The following EPHA7 variants were observed in gnomAD, a reference collection of about 807,000 sequenced individuals.
EPHA7 encodes the protein EPH receptor A7, also known as ephrin type-A receptor 7.
Under a neutral mutation model 112.6 loss-of-function variants are expected in EPHA7, and 25 were observed. The observed-to-expected ratio is 0.22, with a 90% CI of 0.16 to 0.31. The LOEUF (loss-of-function observed/expected upper bound fraction) is 0.31. Among genes scored for constraint, EPHA7 ranks in the 10% least tolerant of loss-of-function variants. The probability of loss-of-function intolerance (pLI) is 1.00; values close to 1 mark genes in which losing one functional copy is unlikely to be tolerated. For synonymous variants in EPHA7, 437 were observed against 406.5 expected, an observed-to-expected ratio of 1.07 and a Z score of -0.90; for missense variants, 962 against 1,212.6, an observed-to-expected ratio of 0.79 and a Z score of 3.07.
At chr6:93,340,394 T>G (rs946513585) in intron 5 of EPHA7, among the ~76,000 whole-genome samples, 1 of 151,848 alleles carries the variant, frequency 6.6e-6, no homozygotes, top group African/African-American at 2.4e-5. Context: ...TCTAGAAATA[T>G]TATGGATACA....
intron 5 of EPHA7, among the ~76,000 whole-genome samples, chr6:93,299,435 C>T (rs974866555): frequency 2.0e-5 from 3 of 150,976 alleles, no homozygotes; most frequent in Non-Finnish European, 2.9e-5. Context: ...CAATGAGATA[C>T]CATCTCATAC....
Position 93,243,513 on chromosome 6 carries a change from C to T in EPHA7, c.2910G>A (p.Leu970=), listed in dbSNP as rs1345436094. 6.2e-7 allele frequency: 1 copy of T among 1,613,398 alleles called. No homozygotes were observed. Among genetic ancestry groups the T allele is most frequent in the Non-Finnish European group, 8.5e-7 (1 of 1,179,504 alleles). Residue 970 remains leucine, a synonymous_variant, in exon 17 of 17, where the codon CTG becomes CTA. Transcript: ENST00000369303. ...IEDVMSLGIT[L]VGHQKKIMSS... is the part of the protein sequence containing the mutation. ...TCATGATTTTCTTTTGATGACCAAC[C>T]AGTGTGATCCCTAAACTCATCACAT...
rs781137886 is a variant in EPHA7, at chr6:93,246,773, T to C, written c.2726+19A>G. On this transcript the variant is annotated intron_variant, in intron 15 of 16. Coordinates refer to ENST00000369303, the MANE Select transcript of EPHA7 (RefSeq NM_004440.4). ...TATTGTAATTTCTCCCAGATTCCAT[T>C]CCCTTAGGCATTTCTTACCTACTAC... 1.3e-6 allele frequency: 2 copies of C among 1,571,396 alleles called. No homozygotes were observed. The highest frequency in any genetic ancestry group is 1.7e-6 in the Non-Finnish European group (2 of 1,147,458).
intron 7 of EPHA7, among the ~76,000 whole-genome samples, chr6:93,265,624 A>C (rs1340271583): frequency 6.6e-6 from 1 of 151,738 alleles, no homozygotes; most frequent in Non-Finnish European, 1.5e-5. Context: ...GACTTTATAA[A>C]ATCATCAAGG....
intron 7 of EPHA7, among the ~76,000 whole-genome samples, chr6:93,269,250 G>A (rs1051164388): frequency 6.6e-6 from 1 of 151,582 alleles, no homozygotes; most frequent in Non-Finnish European, 1.5e-5. Context: ...AATAAATCTT[G>A]TATGCGTTAA....
intron 5 of EPHA7, among the ~76,000 whole-genome samples, chr6:93,282,082 C>T (rs1312417877): frequency 6.6e-6 from 1 of 151,892 alleles, no homozygotes; most frequent in Non-Finnish European, 1.5e-5. Flanking sequence ...TTGTCATGTA[C>T]ATAATAATAC....
rs77528821 is a variant in EPHA7 at position 93,410,226 on chromosome 6, T to C, written c.832+275A>G. The stretch of plus-strand genomic sequence containing the variant: ...TACCCAGACTCCTCTCTAAACTCCA[T>C]AGCCCAACGTGCAACTATTGACTTC... On this transcript the variant is annotated intron_variant, in intron 3 of 16. Coordinates refer to ENST00000369303, the MANE Select transcript of EPHA7 (RefSeq NM_004440.4). This position sits in a 1 kb window ranked among gnomAD's most constrained non-coding sequence, Gnocchi z 4.0. The C allele has an allele frequency of 5.3e-3, 1,925 of 364,810 alleles. 22 individuals are homozygous for C. The highest frequency in any genetic ancestry group is 0.036 in the African/African-American group (1,764 of 49,086). 22.6% of individuals were successfully genotyped at this position (364,810 alleles called of 1,614,324 possible). A position where few individuals can be genotyped will look rare whatever the true frequency, so the allele number is the denominator to read the frequency against.
intron 5 of EPHA7, among the ~76,000 whole-genome samples, chr6:93,335,338 G>T (rs1038805762): frequency 6.6e-6 from 1 of 151,982 alleles, no homozygotes; most frequent in African/African-American, 2.4e-5. Context: ...ATCAACATAT[G>T]TGATACACTA....
At chr6:93,252,264 C>A (rs144417024) in intron 14 of EPHA7, among the ~76,000 whole-genome samples, 2 of 152,012 alleles carry the variant, frequency 1.3e-5, no homozygotes, top group African/African-American at 4.8e-5. Context: ...TGTAAAAAAT[C>A]TTTTAAAATC....
chr6:93,322,006 G>A (rs569649509), intron 5 of EPHA7, among the ~76,000 whole-genome samples: 4 of 151,640 alleles, frequency 2.6e-5, no homozygotes, highest in Non-Finnish European at 5.9e-5. Flanking sequence ...TACTACTTAC[G>A]TTATAGAGCA....
intron 12 of EPHA7, among the ~76,000 whole-genome samples, chr6:93,256,556 T>G (rs1770448182): frequency 6.6e-6 from 1 of 152,178 alleles, no homozygotes; most frequent in Admixed American, 6.6e-5. Flanking sequence ...TCATTTTTTC[T>G]TAGTTTTGCT....
intron 16 of EPHA7, among the ~76,000 whole-genome samples, 155 bp downstream of exon 16, chr6:93,245,143 A>C (rs1261421751): frequency 6.6e-6 from 1 of 152,222 alleles, no homozygotes; most frequent in Non-Finnish European, 1.5e-5. Flanking sequence ...ATTTAGTATA[A>C]TGCCTGGTAC....
intron 11 of EPHA7, among the ~76,000 whole-genome samples, 194 bp from the exon 12 acceptor site, chr6:93,257,717 A>G (rs1278553206): frequency 6.6e-6 from 1 of 152,056 alleles, no homozygotes; most frequent in Admixed American, 6.6e-5. Flanking sequence ...GATTCATAAA[A>G]TTAAACCATA....
chr6:93,265,521 A>G (rs1770891327), intron 7 of EPHA7, among the ~76,000 whole-genome samples: 1 of 151,644 alleles, frequency 6.6e-6, no homozygotes, highest in Non-Finnish European at 1.5e-5. Flanking sequence ...TGCACTTATC[A>G]CTTCCATTTT....
intron 5 of EPHA7, among the ~76,000 whole-genome samples, chr6:93,302,073 C>G (rs565945514): frequency 6.6e-6 from 1 of 152,064 alleles, no homozygotes; most frequent in Non-Finnish European, 1.5e-5. Flanking sequence ...GTCACTGGGC[C>G]GGAAAGTGTG....
At chr6:93,406,900 C>G (rs1272089511) in intron 3 of EPHA7, among the ~76,000 whole-genome samples, 1 of 151,668 alleles carries the variant, frequency 6.6e-6, no homozygotes, top group African/African-American at 2.4e-5. Flanking sequence ...TACTTTTTAT[C>G]TAAGAAAATG....
At chr6:93,402,498 C>G (rs1183440889) in intron 3 of EPHA7, among the ~76,000 whole-genome samples, 1 of 151,946 alleles carries the variant, frequency 6.6e-6, no homozygotes, top group East Asian at 1.9e-4. Flanking sequence ...TGTTCTAGAT[C>G]TGTGTATGTT....
At chr6:93,342,844 A>T (rs899100226) in intron 5 of EPHA7, among the ~76,000 whole-genome samples, 7 of 151,776 alleles carry the variant, frequency 4.6e-5, no homozygotes, top group African/African-American at 1.7e-4. Context: ...ATGGCTTTAC[A>T]TGTTATTCAT....
chr6:93,371,673 A>C (rs1396945842), intron 3 of EPHA7, among the ~76,000 whole-genome samples: 1 of 152,216 alleles, frequency 6.6e-6, no homozygotes, highest in Non-Finnish European at 1.5e-5. Flanking sequence ...AATGCATTGA[A>C]AGTTCTTACA....
Sources: gnomAD v4.1 joint callset for allele counts (sites outside exome capture counted in the v4.1 genomes callset) on GRCh38, gnomAD v4.1.1 for gene constraint, Gnocchi (gnomAD v3.1) non-coding constraint, MANE v1.5 for transcripts, NCBI Gene and HGNC (gene_info 2026-07-23, HGNC 2026-07-21) for gene names.